CSMD1: variants seen among roughly 807,000 people sequenced by gnomAD.
CSMD1 encodes the protein CUB and Sushi multiple domains 1.
Under a neutral mutation model 417.5 loss-of-function variants are expected in CSMD1, and 213 were observed. That is an observed-to-expected ratio of 0.51 (90% CI 0.46 to 0.57). The LOEUF is 0.57. CSMD1 is among the 20% of genes least tolerant of loss of function. CSMD1 has a pLI of 0.00. For synonymous variants in CSMD1, 2,862 were observed against 1,736.8 expected (o/e 1.65, Z -16.11); for missense variants, 6,923 against 4,529.7 (o/e 1.53, Z -15.17).
chr8:3,228,315 C>T (rs1056568150), intron 27 of CSMD1, among the ~76,000 whole-genome samples: 3 of 152,196 alleles, frequency 2.0e-5, no homozygotes, highest in Non-Finnish European at 4.4e-5. Context: ...AACTCATGCC[C>T]TAATGGGCAA....
chr8:4,441,343 C>G (rs1234766629), intron 2 of CSMD1, among the ~76,000 whole-genome samples: 1 of 144,032 alleles, frequency 6.9e-6, no homozygotes, highest in Non-Finnish European at 1.5e-5. Flanking sequence ...AAACAGCTGG[C>G]CCCAAGCAAT....
intron 5 of CSMD1, among the ~76,000 whole-genome samples, chr8:3,881,668 G>C (rs2627372): frequency 0.41 from 59,899 of 145,692 alleles, 15,033 homozygotes; most frequent in African/African-American, 0.72. Flanking sequence ...AACAACAAAA[G>C]AAAACAAAAA....
intron 2 of CSMD1, among the ~76,000 whole-genome samples, chr8:4,453,238 C>CAG (rs964626633): frequency 2.0e-5 from 3 of 146,898 alleles, no homozygotes; most frequent in Non-Finnish European, 4.6e-5. Context: ...CACACACACA[C>CAG]ACACACTGAA....
intron 2 of CSMD1, among the ~76,000 whole-genome samples, chr8:4,501,187 T>A (rs1802243127): frequency 6.6e-6 from 1 of 152,098 alleles, no homozygotes; most frequent in African/African-American, 2.4e-5. Context: ...TATGTATGTG[T>A]ATATATACAC....
At chr8:3,664,316 G>C (rs1436460995) in intron 7 of CSMD1, among the ~76,000 whole-genome samples, 1 of 152,136 alleles carries the variant, frequency 6.6e-6, no homozygotes, top group Non-Finnish European at 1.5e-5. Flanking sequence ...TGTTTGCTCA[G>C]AATGATGTTT....
chr8:4,570,673 G>T (rs1181693258), intron 2 of CSMD1, among the ~76,000 whole-genome samples: 1 of 152,138 alleles, frequency 6.6e-6, no homozygotes, highest in Non-Finnish European at 1.5e-5. Context: ...GAGTTAAGGA[G>T]GATTCCCTCT....
chr8:4,309,452 T>C (rs908442062), intron 3 of CSMD1, among the ~76,000 whole-genome samples: 4 of 145,594 alleles, frequency 2.7e-5, no homozygotes, highest in African/African-American at 1.1e-4. Context: ...TTTAATATTA[T>C]GAAAGACGAG....
At chr8:4,510,421 A>AAAAT (rs1725653829) in intron 2 of CSMD1, among the ~76,000 whole-genome samples, 1 of 101,780 alleles carries the variant, frequency 9.8e-6, no homozygotes, top group Non-Finnish European at 2.2e-5. Flanking sequence ...AAAAAAAAAA[A>AAAAT]AGCAAATACT....
chr8:4,992,329 G>C (rs1369312531), intron 1 of CSMD1, among the ~76,000 whole-genome samples: 1 of 152,216 alleles, frequency 6.6e-6, no homozygotes, highest in East Asian at 1.9e-4. Context: ...GCCGAGCTAG[G>C]GCCGCCGCGG....
At chr8:4,292,943 G>C (rs551057731) in intron 3 of CSMD1, among the ~76,000 whole-genome samples, 1 of 152,170 alleles carries the variant, frequency 6.6e-6, no homozygotes, top group Non-Finnish European at 1.5e-5. Context: ...AAACCAACAA[G>C]GGACCCACAA....
chr8:3,439,177 A>AAAAATTGCC (rs1474964781), intron 12 of CSMD1, among the ~76,000 whole-genome samples: 19 of 143,486 alleles, frequency 1.3e-4, no homozygotes, highest in Non-Finnish European at 2.9e-4. Flanking sequence ...AGAAAAAGAA[A>AAAAATTGCC]AAAATTGCCA....
chr8:4,037,358 G>T (rs1196585704), intron 3 of CSMD1, among the ~76,000 whole-genome samples: 2 of 152,182 alleles, frequency 1.3e-5, no homozygotes, highest in African/African-American at 4.8e-5. Flanking sequence ...GTGAGCACTT[G>T]CTGTAACAGC....
intron 18 of CSMD1, among the ~76,000 whole-genome samples, chr8:3,382,850 T>A (rs1014935374): frequency 6.6e-6 from 1 of 152,034 alleles, no homozygotes; most frequent in Non-Finnish European, 1.5e-5. Context: ...GCAAAATTGA[T>A]CAATGTTTTT....
chr8:3,149,824 T>C (rs1819082786), intron 40 of CSMD1, among the ~76,000 whole-genome samples: 1 of 152,188 alleles, frequency 6.6e-6, no homozygotes, highest in East Asian at 1.9e-4. Context: ...CCCCTGTGCC[T>C]TAACTCATTT....
chr8:4,500,097 AG>A (rs34006096), intron 2 of CSMD1, among the ~76,000 whole-genome samples: 120,276 of 150,206 alleles, frequency 0.8, 48,140 homozygotes, highest in East Asian at 0.85. Flanking sequence ...CTAGGTGAAA[AG>A]GTATAAAGAG....
chr8:3,441,250 C>T (rs1814965475), intron 12 of CSMD1, among the ~76,000 whole-genome samples: 1 of 151,990 alleles, frequency 6.6e-6, no homozygotes, highest in Admixed American at 6.6e-5. Context: ...GACTTGTGGC[C>T]TCCAGAGCTT....
intron 7 of CSMD1, among the ~76,000 whole-genome samples, chr8:3,654,829 T>A (rs1027796425): frequency 6.6e-6 from 1 of 152,092 alleles, no homozygotes; most frequent in African/African-American, 2.4e-5. Flanking sequence ...CCAGGATCCA[T>A]AGAACACATC....
intron 5 of CSMD1, among the ~76,000 whole-genome samples, chr8:3,776,477 C>T (rs1798890729): frequency 6.6e-6 from 1 of 152,166 alleles, no homozygotes; most frequent in Admixed American, 6.5e-5. Flanking sequence ...CTAGCTGTGG[C>T]CACACACACA....
At chr8:4,643,069 A>G (rs1384778728) in intron 1 of CSMD1, among the ~76,000 whole-genome samples, 7 of 152,208 alleles carry the variant, frequency 4.6e-5, no homozygotes, top group Non-Finnish European at 1.0e-4. Context: ...GAAAGCGTAT[A>G]TAGATTTGTG....
Sources: allele counts gnomAD v4.1 joint callset (sites outside exome capture counted in the v4.1 genomes callset), GRCh38; gene constraint gnomAD v4.1.1; transcripts MANE v1.5; gene names NCBI Gene and HGNC (gene_info 2026-07-23, HGNC 2026-07-21).